The following ATG4C variants were observed in gnomAD, a reference collection of about 807,000 sequenced individuals.
The protein encoded by ATG4C is autophagy related 4C cysteine peptidase.
In ATG4C, 56 loss-of-function variants were observed where a neutral mutation model predicts 57.6. The ratio of observed to expected loss-of-function variants is 0.97; its 90% CI spans 0.78 to 1.21. The LOEUF is 1.21. Among genes scored for constraint, ATG4C ranks in the 50% most tolerant of loss-of-function variants. ATG4C has a pLI of 0.00. For missense variants in ATG4C, 595 were observed against 529.8 expected, an observed-to-expected ratio of 1.12 and a Z score of -1.21; for synonymous variants, 157 against 174.1, an observed-to-expected ratio of 0.90 and a Z score of 0.78.
chr1:62,836,123 G>A (rs142894573), intron 9 of ATG4C, among the ~76,000 whole-genome samples: 1 of 152,180 alleles, frequency 6.6e-6, no homozygotes, highest in African/African-American at 2.4e-5. Context: ...AAGATACCAA[G>A]TGAATGAATA....
At chr1:62,861,507 A>AT (rs1666852368) in intron 10 of ATG4C, among the ~76,000 whole-genome samples, 1 of 151,532 alleles carries the variant, frequency 6.6e-6, no homozygotes, top group Non-Finnish European at 1.5e-5. Context: ...AGCCGTGATC[A>AT]TGCCACTGCA....
intron 10 of ATG4C, among the ~76,000 whole-genome samples, chr1:62,856,353 A>T (rs1019334330): frequency 2.6e-5 from 4 of 152,210 alleles, no homozygotes; most frequent in African/African-American, 9.6e-5. Flanking sequence ...TTGGGGAGAC[A>T]TGAAATGGAG....
At chr1:62,850,905 T>TATATATAC (rs1557992762) in intron 10 of ATG4C, among the ~76,000 whole-genome samples, 1 of 45,524 alleles carries the variant, frequency 2.2e-5, no homozygotes, top group Non-Finnish European at 4.6e-5. Flanking sequence ...TATATATACA[T>TATATATAC]ACACATACAC....
chr1:62,799,487 T>C (rs1317978983), intron 1 of ATG4C, among the ~76,000 whole-genome samples: 1 of 152,192 alleles, frequency 6.6e-6, no homozygotes, highest in Non-Finnish European at 1.5e-5. Context: ...TCTGAGTAAA[T>C]AGTGTAGCTA....
rs1665394326 is a variant in ATG4C at position 62,819,171 on chromosome 1, T to G, written c.561T>G (p.Asp187Glu). ...AGGAAACAATTGGGAAATATTCTGA[T>G]GATCATGAAATGCGAAATGAAGTTT... The part of the protein sequence containing the change: ...SLKETIGKYS[D>E]DHEMRNEVYH... Residue 187 changes from aspartate to glutamate, a missense_variant, in exon 5 of 11, where the codon GAT (aspartate) becomes GAG (glutamate). By Grantham distance (45) the Asp-to-Glu change is conservative. Transcript: ENST00000317868. The G allele has an allele frequency of 6.2e-7, 1 of 1,613,438 alleles. No individual in the cohort carries two copies. The highest frequency in any genetic ancestry group is 8.5e-7 in the Non-Finnish European group (1 of 1,179,722).
At chr1:62,838,916 T>C (rs539835841) in intron 9 of ATG4C, among the ~76,000 whole-genome samples, 24 of 152,314 alleles carry the variant, frequency 1.6e-4, no homozygotes, top group African/African-American at 5.1e-4. Flanking sequence ...TTTTAAAAGT[T>C]CTTTGTAGAT....
At chr1:62,819,409 G>GT (rs1209876935) in intron 5 of ATG4C, 74 bp downstream of exon 5, 26 of 1,201,030 alleles carry the variant, frequency 2.2e-5, no homozygotes, top group Non-Finnish European at 2.8e-5. Flanking sequence ...TTTGCAATGT[G>GT]TATATATAAT....
chr1:62,850,905 T>TATAC lies in ATG4C; in HGVS notation c.1209+9359_1209+9360insTACA, dbSNP rs1557992762. The stretch of plus-strand genomic sequence containing the variant: ...ATATATATATATATATATATATACA[T>TATAC]ACACATACACACACATTCTGTTTAG... On this transcript the variant is annotated intron_variant, in intron 10 of 10. Coordinates refer to ENST00000317868, the MANE Select transcript of ATG4C (RefSeq NM_032852.4). 1.1e-4 allele frequency among the ~76,000 whole-genome samples: 5 copies of TATAC among 45,522 alleles called. 1 individual carries two copies. Among genetic ancestry groups the TATAC allele is most frequent in the East Asian group, 1.5e-3 (1 of 682 alleles). 29.9% of individuals were successfully genotyped at this position (45,522 alleles called of 152,430 possible).
intron 3 of ATG4C, among the ~76,000 whole-genome samples, chr1:62,812,629 G>C (rs1452002560): frequency 6.6e-6 from 1 of 152,124 alleles, no homozygotes; most frequent in African/African-American, 2.4e-5. Context: ...AGGGAAATCA[G>C]GCAAGAGAAA....
intron 10 of ATG4C, among the ~76,000 whole-genome samples, chr1:62,851,100 A>T (rs1344271742): frequency 4.6e-5 from 7 of 151,706 alleles, no homozygotes; most frequent in African/African-American, 1.5e-4. Context: ...TTTGTTATAA[A>T]GTTGTCTTAT....
chr1:62,822,567 G>T (rs1665515567), intron 6 of ATG4C, among the ~76,000 whole-genome samples: 2 of 152,096 alleles, frequency 1.3e-5, no homozygotes, highest in East Asian at 1.9e-4. Flanking sequence ...CCTTGTTATA[G>T]AAATGGTTTG....
At chr1:62,823,112 G>A (rs528029448) in intron 6 of ATG4C, among the ~76,000 whole-genome samples, 1 of 152,282 alleles carries the variant, frequency 6.6e-6, no homozygotes, top group Non-Finnish European at 1.5e-5. Flanking sequence ...CTGATATTGT[G>A]CCACTGCACT....
intron 6 of ATG4C, among the ~76,000 whole-genome samples, chr1:62,825,413 A>G (rs1407449278): frequency 6.6e-6 from 1 of 151,862 alleles, no homozygotes; most frequent in Non-Finnish European, 1.5e-5. Flanking sequence ...TGTTTACTTG[A>G]TTTCTGGACA....
At chr1:62,807,416 ACT>A (rs949906961) in intron 3 of ATG4C, among the ~76,000 whole-genome samples, 4 of 152,038 alleles carry the variant, frequency 2.6e-5, no homozygotes, top group Admixed American at 1.3e-4. Context: ...TAATGAGGTG[ACT>A]CTGTGGGTTT....
chr1:62,858,915 T>G (rs1342044062), intron 10 of ATG4C, among the ~76,000 whole-genome samples: 1 of 152,190 alleles, frequency 6.6e-6, no homozygotes, highest in East Asian at 1.9e-4. Context: ...CAGGAATATA[T>G]TTTTCCATGT....
chr1:62,849,891 A>T (rs1666450227), intron 10 of ATG4C, among the ~76,000 whole-genome samples: 1 of 152,004 alleles, frequency 6.6e-6, no homozygotes, highest in South Asian at 2.1e-4. Context: ...GCTCCTAATT[A>T]GTATATTTAT....
rs372214312 is a variant in ATG4C at position 62,819,230 on chromosome 1, C to G, written c.620C>G (p.Ser207Cys). ...HRKIISWFGD[S>C]PLALFGLHQL... ...AAAATCATCTCTTGGTTTGGTGATT[C>G]CCCCTTGGCTCTTTTTGGCTTACAT... Residue 207 changes from serine to cysteine, a missense_variant, in exon 5 of 11, where the codon TCC (serine) becomes TGC (cysteine). Transcript: ENST00000317868. The G allele has an allele frequency of 2.5e-6, 4 of 1,613,342 alleles. No individual in the cohort carries two copies. The highest frequency in any genetic ancestry group is 3.4e-6 in the Non-Finnish European group (4 of 1,179,654).
At chr1:62,835,866 C>G (rs1665983521) in intron 9 of ATG4C, among the ~76,000 whole-genome samples, 1 of 151,948 alleles carries the variant, frequency 6.6e-6, no homozygotes, top group East Asian at 1.9e-4. Flanking sequence ...AATAATTGTG[C>G]CATGTGAACT....
chr1:62,802,974 C>CT (rs1239899625), intron 1 of ATG4C, among the ~76,000 whole-genome samples: 1 of 152,114 alleles, frequency 6.6e-6, no homozygotes, highest in Non-Finnish European at 1.5e-5. Context: ...GTGCAGCATT[C>CT]TTTTCTTGAA....
Sources: gnomAD v4.1 joint callset for allele counts (sites outside exome capture counted in the v4.1 genomes callset) on GRCh38, gnomAD v4.1.1 for gene constraint, MANE v1.5 for transcripts, NCBI Gene and HGNC (gene_info 2026-07-23, HGNC 2026-07-21) for gene names.